The following SBF2 variants were observed in gnomAD, a reference collection of about 807,000 sequenced individuals.
The protein encoded by SBF2 is myotubularin-related protein 13.
SBF2 carries 112 observed loss-of-function variants against 225.2 expected under a neutral mutation model. The ratio of observed to expected loss-of-function variants is 0.50; its 90% CI spans 0.43 to 0.58. SBF2 has a LOEUF of 0.58. SBF2 is among the 20% of genes least tolerant of loss of function. The pLI is 0.00. For missense variants in SBF2, 1,996 were observed against 2,206.2 expected, an observed-to-expected ratio of 0.90 and a Z score of 1.91; for synonymous variants, 763 against 773.3, an observed-to-expected ratio of 0.99 and a Z score of 0.22.
At chr11:10,060,996 C>G (rs1950424327) in intron 2 of SBF2, among the ~76,000 whole-genome samples, 1 of 151,954 alleles carries the variant, frequency 6.6e-6, no homozygotes, top group Non-Finnish European at 1.5e-5. Flanking sequence ...CCACTACATT[C>G]CAGCCTGAGC....
chr11:9,789,237 T>C lies in SBF2; in HGVS notation c.4804A>G (p.Lys1602Glu). 1.9e-6 allele frequency: 3 copies of C among 1,614,104 alleles called. No individual in the cohort carries two copies. The highest frequency in any genetic ancestry group is 2.5e-6 in the Non-Finnish European group (3 of 1,180,000). ...TCAGAGTCTTCGGAGGGGAAGTGCT[T>C]GGGGGTTAGCATCATCCAGTCATAG... The part of the protein sequence containing the change: ...PSYDWMMLTP[K>E]HFPSEDSDLA... The change falls in exon 35 of 40, where the codon AAG becomes GAG. Residue 1602 changes from lysine to glutamate, a missense_variant. Transcript: ENST00000256190.
intron 17 of SBF2, among the ~76,000 whole-genome samples, chr11:9,872,447 C>G (rs1030005458): frequency 1.3e-5 from 2 of 151,802 alleles, no homozygotes; most frequent in Non-Finnish European, 2.9e-5. Flanking sequence ...TACCCCTGGA[C>G]TTAAAATAAA....
chr11:9,832,161 CCTTT>C, intron 27 of SBF2, 59 bp downstream of exon 27: 24 of 1,455,368 alleles, frequency 1.6e-5, no homozygotes, highest in African/African-American at 2.8e-5. Context: ...GATTTTACTT[CCTTT>C]ATTTTTAGCA....
Position 10,192,614 on chromosome 11 carries a change from T to C in SBF2, c.141+1288A>G, listed in dbSNP as rs80042698. ...TTTTATGTGTATTTTTTCCACTTTA[T>C]CTTTACAACAACCTATGAGATTAAT... On this transcript the variant is annotated intron_variant, in intron 2 of 39. Coordinates refer to ENST00000256190, the MANE Select transcript of SBF2 (RefSeq NM_030962.4). Among the ~76,000 whole-genome samples the C allele has an allele frequency of 7.6e-3, 1,155 of 152,352 alleles. 6 individuals are homozygous for C. Among genetic ancestry groups the C allele is most frequent in the African/African-American group, 0.027 (1,125 of 41,568 alleles).
At chr11:10,073,687 T>C (rs1330179834) in intron 2 of SBF2, among the ~76,000 whole-genome samples, 2 of 152,036 alleles carry the variant, frequency 1.3e-5, no homozygotes, top group Non-Finnish European at 2.9e-5. Context: ...ATCGCACTAC[T>C]GCACTCTAGC....
chr11:9,987,951 G>A lies in SBF2; in HGVS notation c.1395+1546C>T, dbSNP rs190832637. On this transcript the variant is annotated intron_variant, in intron 13 of 39. Coordinates refer to ENST00000256190, the MANE Select transcript of SBF2 (RefSeq NM_030962.4). ...TTCATATGGAACTAAAAAAGAGCCCGCATAGCCAAAGCAAGACTAAGCAAA... is the reference window on the plus strand; with the variant it reads ...TTCATATGGAACTAAAAAAGAGCCCACATAGCCAAAGCAAGACTAAGCAAA... Among the ~76,000 whole-genome samples the A allele has an allele frequency of 1.6e-4, 24 of 152,132 alleles. No homozygotes were observed. In the East Asian group the frequency reaches 2.9e-3, roughly 18 times the overall value.
Position 10,206,016 on chromosome 11 carries a change from T to C in SBF2, c.56-12029A>G, listed in dbSNP as rs186674428. On this transcript the variant is annotated intron_variant, in intron 1 of 39. Coordinates refer to ENST00000256190, the MANE Select transcript of SBF2 (RefSeq NM_030962.4). Reference sequence around the variant, plus strand: ...ACTGTAACAAGCAGTCTGGCCCAGGTAGTCTCTTTGTCCTCATGAGTCAGA... The same window carrying C: ...ACTGTAACAAGCAGTCTGGCCCAGGCAGTCTCTTTGTCCTCATGAGTCAGA... Among the ~76,000 whole-genome samples, 39 of 151,864 alleles carry C rather than the reference T, an allele frequency of 2.6e-4. 1 individual carries two copies. Among genetic ancestry groups the C allele is most frequent in the African/African-American group, 9.4e-4 (39 of 41,462 alleles).
rs1243471976 is a variant in SBF2, at chr11:10,132,910, C to G, written c.141+60992G>C. On this transcript the variant is annotated intron_variant, in intron 2 of 39. Coordinates refer to ENST00000256190, the MANE Select transcript of SBF2 (RefSeq NM_030962.4). ...ATCAGATTAGTTAGATACAAAGTTT[C>G]CACACACAGGTTCTCCAAGGCCCCA... Among the ~76,000 whole-genome samples the G allele has an allele frequency of 4.7e-5, 7 of 148,814 alleles. No individual in the cohort carries two copies. The South Asian group carries it at 1.1e-3, about 22-fold the overall frequency.
chr11:10,222,989 T>C (rs1360622075), intron 1 of SBF2, among the ~76,000 whole-genome samples: 1 of 152,162 alleles, frequency 6.6e-6, no homozygotes. Context: ...AGAGACGTTT[T>C]ATCGGTAGAT....
chr11:10,117,439 T>C (rs1299891242), intron 2 of SBF2, among the ~76,000 whole-genome samples: 17 of 46,268 alleles, frequency 3.7e-4, no homozygotes, highest in Non-Finnish European at 5.1e-4. Flanking sequence ...AGAATCCAAC[T>C]CAAAAAAAAA....
intron 2 of SBF2, among the ~76,000 whole-genome samples, chr11:10,058,579 G>T (rs1950330776): frequency 6.6e-6 from 1 of 152,132 alleles, no homozygotes; most frequent in African/African-American, 2.4e-5. Flanking sequence ...CAAACAACGT[G>T]GAACATATAT....
At chr11:10,107,000 C>G (rs1259853251) in intron 2 of SBF2, among the ~76,000 whole-genome samples, 3 of 152,122 alleles carry the variant, frequency 2.0e-5, no homozygotes, top group Admixed American at 2.0e-4. Context: ...AAAATTAAAC[C>G]AATTGTCCCT....
intron 2 of SBF2, among the ~76,000 whole-genome samples, chr11:10,131,741 AAG>A (rs1954065874): frequency 2.0e-5 from 3 of 152,292 alleles, no homozygotes; most frequent in South Asian, 4.1e-4. Flanking sequence ...ACGCCCGGCC[AAG>A]AGAGTTCTTT....
chr11:10,222,605 A>G (rs1398153017), intron 1 of SBF2, among the ~76,000 whole-genome samples: 2 of 152,160 alleles, frequency 1.3e-5, no homozygotes, highest in African/African-American at 4.8e-5. Flanking sequence ...AATTGGGGGG[A>G]AAAAGGAACA....
chr11:9,967,971 C>CTCTCTCTCTATA (rs1260685462), intron 14 of SBF2, among the ~76,000 whole-genome samples: 10 of 91,502 alleles, frequency 1.1e-4, no homozygotes, highest in South Asian at 3.4e-4. Flanking sequence ...CTCTCTCTCT[C>CTCTCTCTCTATA]TATATATATA....
chr11:9,864,287 C>T (rs1010195855), intron 17 of SBF2, among the ~76,000 whole-genome samples: 1 of 152,190 alleles, frequency 6.6e-6, no homozygotes, highest in African/African-American at 2.4e-5. Flanking sequence ...CAGATCAAGG[C>T]ATACAATTTC....
intron 1 of SBF2, among the ~76,000 whole-genome samples, chr11:10,261,661 A>G (rs1444149444): frequency 3.3e-5 from 5 of 152,216 alleles, no homozygotes; most frequent in Non-Finnish European, 7.3e-5. Context: ...CTACACTCAC[A>G]AAAACACTTA....
intron 16 of SBF2, among the ~76,000 whole-genome samples, chr11:9,932,149 A>T (rs940563916): frequency 2.0e-5 from 3 of 152,212 alleles, no homozygotes; most frequent in Admixed American, 1.3e-4. Context: ...CCAAATCTAC[A>T]TTTGATAGGT....
intron 17 of SBF2, among the ~76,000 whole-genome samples, chr11:9,882,755 C>G (rs1404311995): frequency 2.3e-5 from 3 of 128,814 alleles, no homozygotes; most frequent in African/African-American, 2.8e-5. Context: ...TTGCAGCGAG[C>G]TGAGATTGCG....
Sources: gnomAD v4.1 joint callset for allele counts (sites outside exome capture counted in the v4.1 genomes callset) on GRCh38, gnomAD v4.1.1 for gene constraint, MANE v1.5 for transcripts, NCBI Gene and HGNC (gene_info 2026-07-23, HGNC 2026-07-21) for gene names.